Variants in RFPL1 observed in about 807,000 individuals in gnomAD.
RFPL1 encodes the protein ret finger protein-like 1.
RFPL1 carries 6 observed loss-of-function variants against 9.6 expected under a neutral mutation model. The observed-to-expected ratio is 0.62, with a 90% CI of 0.34 to 1.23. The LOEUF is 1.23. Among genes scored for constraint, RFPL1 ranks in the 50% most tolerant of loss-of-function variants. The probability of loss-of-function intolerance (pLI) is 0.03; values close to 1 mark genes in which losing one functional copy is unlikely to be tolerated. For missense variants in RFPL1, 352 were observed against 398.4 expected, an observed-to-expected ratio of 0.88 and a Z score of 0.99; for synonymous variants, 145 against 149.4, an observed-to-expected ratio of 0.97 and a Z score of 0.22.
At chr22:29,414,340 T>C in the RFPL1 span, among the ~76,000 whole-genome samples, 9 of 152,262 alleles carry the variant, frequency 5.9e-5, no homozygotes, top group South Asian at 2.1e-4. Flanking sequence ...CATGTTACAC[T>C]GTTAACTTTT....
chr22:29,427,583 T>C, the RFPL1 span, among the ~76,000 whole-genome samples: 1 of 152,272 alleles, frequency 6.6e-6, no homozygotes, highest in Admixed American at 6.5e-5. Context: ...TCTCCCTTAT[T>C]TGGAATCCCA....
chr22:29,423,136 G>T, the RFPL1 span: 5 of 1,512,266 alleles, frequency 3.3e-6, no homozygotes, highest in Non-Finnish European at 4.6e-6. Flanking sequence ...TTTCTTGGTC[G>T]TGGTGAAATA....
the RFPL1 span, chr22:29,388,522 C>T: frequency 6.6e-6 from 1 of 152,186 alleles, no homozygotes; most frequent in African/African-American, 2.4e-5. Flanking sequence ...GTCCGGGCTG[C>T]CGGCGGCTCG....
upstream of RFPL1, among the ~76,000 whole-genome samples, chr22:29,436,237 G>A (rs2062808106): frequency 6.6e-6 from 1 of 152,014 alleles, no homozygotes; most frequent in South Asian, 2.1e-4. Flanking sequence ...GGTAAATATG[G>A]TCACTTGTAC....
At chr22:29,407,448 A>G in the RFPL1 span, among the ~76,000 whole-genome samples, 2 of 151,930 alleles carry the variant, frequency 1.3e-5, no homozygotes, top group Non-Finnish European at 2.9e-5. Flanking sequence ...GGAAATACTT[A>G]GGATTATGAT....
chr22:29,394,143 T>C, the RFPL1 span, among the ~76,000 whole-genome samples: 1 of 152,146 alleles, frequency 6.6e-6, no homozygotes, highest in African/African-American at 2.4e-5. Context: ...AGCCCCAGTG[T>C]TTTTATACCC....
exon 1 of RFPL1, chr22:29,438,590 C>T (rs2062820622): frequency 7.0e-7 from 1 of 1,421,588 alleles, no homozygotes; most frequent in Admixed American, 2.9e-5. Context: ...GCTGCCGTGT[C>T]ACTGGCTCAG....
chr22:29,394,924 T>A, the RFPL1 span, among the ~76,000 whole-genome samples: 1 of 152,128 alleles, frequency 6.6e-6, no homozygotes, highest in Non-Finnish European at 1.5e-5. Flanking sequence ...CCTTACCTGC[T>A]TCATGAGGTT....
At chr22:29,394,159 G>A in the RFPL1 span, among the ~76,000 whole-genome samples, 2 of 152,112 alleles carry the variant, frequency 1.3e-5, no homozygotes, top group East Asian at 1.9e-4. Context: ...TACCCTGCCC[G>A]ATTTGAGCTG....
chr22:29,420,480 G>A, the RFPL1 span, among the ~76,000 whole-genome samples: 2 of 151,756 alleles, frequency 1.3e-5, no homozygotes, highest in African/African-American at 4.8e-5. Flanking sequence ...ACAGGCACGT[G>A]CCGTCATGCC....
At chr22:29,390,000 A>G in the RFPL1 span, among the ~76,000 whole-genome samples, 17 of 152,128 alleles carry the variant, frequency 1.1e-4, no homozygotes, top group African/African-American at 1.7e-4. Context: ...GGGTTTCACC[A>G]TGTTGACCAG....
the RFPL1 span, among the ~76,000 whole-genome samples, chr22:29,415,380 G>A: frequency 6.6e-6 from 1 of 152,204 alleles, no homozygotes; most frequent in Non-Finnish European, 1.5e-5. Flanking sequence ...GACTCCAAGC[G>A]CCAGTTCCTT....
the RFPL1 span, among the ~76,000 whole-genome samples, chr22:29,405,508 C>T: frequency 6.6e-6 from 1 of 152,164 alleles, no homozygotes. Context: ...TGAGTAAATG[C>T]AGTAAGCCAC....
At chr22:29,439,244 A>G in intron 1 of RFPL1, 80 bp downstream of exon 1, 2 of 1,524,204 alleles carry the variant, frequency 1.3e-6, no homozygotes, top group Non-Finnish European at 1.8e-6. Context: ...CTCATTCCAT[A>G]TGGGGATTAG....
At chr22:29,414,738 G>T in the RFPL1 span, among the ~76,000 whole-genome samples, 3 of 151,680 alleles carry the variant, frequency 2.0e-5, no homozygotes, top group African/African-American at 7.3e-5. Flanking sequence ...AATTTTCAGG[G>T]GTTTATGTTA....
chr22:29,431,618 C>T, the RFPL1 span, among the ~76,000 whole-genome samples: 1 of 151,984 alleles, frequency 6.6e-6, no homozygotes, highest in East Asian at 1.9e-4. Context: ...TTTCTAGTAG[C>T]CACATTAAAT....
At chr22:29,390,319 G>A in the RFPL1 span, among the ~76,000 whole-genome samples, 2 of 151,900 alleles carry the variant, frequency 1.3e-5, no homozygotes, top group Admixed American at 1.3e-4. Context: ...AAGTCTCTAC[G>A]TCCTATCTAA....
chr22:29,419,278 G>A, the RFPL1 span: 146 of 1,147,326 alleles, frequency 1.3e-4, 2 homozygotes, highest in African/African-American at 2.1e-3. Flanking sequence ...AAGGAGGCAA[G>A]CATGAGTGAT....
At chr22:29,397,959 C>T in the RFPL1 span, among the ~76,000 whole-genome samples, 1 of 152,136 alleles carries the variant, frequency 6.6e-6, no homozygotes, top group Non-Finnish European at 1.5e-5. Context: ...GGGAAGAATC[C>T]ATGGAAGGGG....
Sources: gnomAD v4.1 joint callset for allele counts (sites outside exome capture counted in the v4.1 genomes callset) on GRCh38, gnomAD v4.1.1 for gene constraint, MANE v1.5 for transcripts, NCBI Gene and HGNC (gene_info 2026-07-23, HGNC 2026-07-21) for gene names.